Variants in IRAG2 observed in about 807,000 individuals in gnomAD.
IRAG2 encodes the protein lymphoid restricted membrane protein.
A neutral mutation model predicts 69.9 loss-of-function variants in IRAG2; 45 were observed. That is an observed-to-expected ratio of 0.64 (90% CI 0.51 to 0.83). IRAG2 has a LOEUF of 0.83. Ranked by LOEUF, IRAG2 falls within the 40% of genes least tolerant of loss-of-function variation. IRAG2 has a pLI of 0.00. For synonymous variants in IRAG2, 193 were observed against 202.4 expected (o/e 0.95, Z 0.40); for missense variants, 520 against 587.0 (o/e 0.89, Z 1.18).
intron 1 of IRAG2, among the ~76,000 whole-genome samples, chr12:25,055,239 T>G (rs895623621): frequency 6.6e-6 from 1 of 152,260 alleles, no homozygotes; most frequent in Admixed American, 6.5e-5. Context: ...TTATCTTGAA[T>G]AAATGATATT....
Position 25,104,060 on chromosome 12 carries a change from T to C in IRAG2, c.1046+2T>C. ...ATTCAGTAGAAGGTCAAGCAGTTGG[T>C]AAGTGTAATTTTATGGTTCCTCTTT... On this transcript the variant is annotated splice_donor_variant, in intron 19 of 21. Transcript: ENST00000556887. LOFTEE classifies it high-confidence loss of function. The C allele has an allele frequency of 6.2e-7, 1 of 1,613,004 alleles. No individual in the cohort carries two copies. Among genetic ancestry groups the C allele is most frequent in the South Asian group, 1.1e-5 (1 of 90,956 alleles).
At chr12:25,033,052 G>A (rs187284115) in intron 12 of IRAG2, among the ~76,000 whole-genome samples, 8 of 151,624 alleles carry the variant, frequency 5.3e-5, no homozygotes, top group African/African-American at 1.7e-4. Context: ...CACCTCCTGA[G>A]TTCAAGCAAT....
rs1947903778 is a variant in IRAG2 at position 25,089,748 on chromosome 12, TG to T, written c.438-14del. The T allele has an allele frequency of 6.2e-7, 1 of 1,613,322 alleles. No individual in the cohort carries two copies. The highest frequency in any genetic ancestry group is 8.5e-7 in the Non-Finnish European group (1 of 1,179,822). On this transcript the variant is annotated splice_polypyrimidine_tract_variant and intron_variant, in intron 12 of 21. Transcript: ENST00000556887. ...TTGGATTATGTTTAAATATGTTTTTTGTCTTATCCTACAGCACTTCTGCTAA... is the reference window on the plus strand; with the variant it reads ...TTGGATTATGTTTAAATATGTTTTTTTCTTATCCTACAGCACTTCTGCTAA...
At chr12:25,077,185 GAT>G (rs33949902) in intron 6 of IRAG2, among the ~76,000 whole-genome samples, 3,843 of 58,702 alleles carry the variant, frequency 0.065, 415 homozygotes, top group Middle Eastern at 0.088. Context: ...ATATATATAT[GAT>G]ATATATATGA....
At chr12:25,032,249 A>C in intron 11 of IRAG2, 1 of 399,030 alleles carries the variant, frequency 2.5e-6, no homozygotes, top group Non-Finnish European at 4.4e-6. Context: ...GGGCTTGTTA[A>C]ATGTAAATTC....
At chr12:25,001,867 T>C (rs1020144370), upstream of IRAG2, among the ~76,000 whole-genome samples, 5 of 151,766 alleles carry the variant, frequency 3.3e-5, no homozygotes, top group Admixed American at 6.6e-5. Flanking sequence ...CCTCCTGGGT[T>C]CAAGCAATTC....
At chr12:25,070,252 T>C (rs964570888) in intron 6 of IRAG2, among the ~76,000 whole-genome samples, 6 of 152,170 alleles carry the variant, frequency 3.9e-5, no homozygotes, top group African/African-American at 1.4e-4. Flanking sequence ...GCGTACCCAT[T>C]GGTAGTCTCT....
At chr12:25,013,449 G>A (rs1944493443) in intron 3 of IRAG2, among the ~76,000 whole-genome samples, 1 of 152,190 alleles carries the variant, frequency 6.6e-6, no homozygotes, top group Non-Finnish European at 1.5e-5. Context: ...CTACACTTCA[G>A]CCTGGGCAAG....
chr12:25,103,269 C>T (rs1229427567), intron 17 of IRAG2: 1 of 152,528 alleles, frequency 6.6e-6, no homozygotes, highest in Non-Finnish European at 1.5e-5. Flanking sequence ...CATGAAAATC[C>T]TTAAATGTGT....
chr12:24,999,286 T>C, the IRAG2 span, among the ~76,000 whole-genome samples: 2 of 152,232 alleles, frequency 1.3e-5, no homozygotes, highest in African/African-American at 2.4e-5. Flanking sequence ...ATATAACGAA[T>C]AACTTTAGGT....
upstream of IRAG2, among the ~76,000 whole-genome samples, chr12:25,002,393 G>GA (rs528399596): frequency 4.6e-5 from 7 of 152,232 alleles, no homozygotes; most frequent in South Asian, 4.1e-4. Flanking sequence ...TGAGTATCTA[G>GA]AAAAAATCAC....
intron 16 of IRAG2, among the ~76,000 whole-genome samples, chr12:25,040,210 G>T (rs951244708): frequency 6.6e-6 from 1 of 152,218 alleles, no homozygotes; most frequent in Non-Finnish European, 1.5e-5. Flanking sequence ...GTGGATTTTA[G>T]CTATGAATAA....
At chr12:25,102,315 G>A (rs1948804551) in intron 17 of IRAG2, 74 bp downstream of exon 17, 1 of 1,168,964 alleles carries the variant, frequency 8.6e-7, no homozygotes, top group East Asian at 2.4e-5. Context: ...TGAAGTTTCA[G>A]GCCTTTATAT....
intron 20 of IRAG2, among the ~76,000 whole-genome samples, chr12:25,105,880 T>A (rs1420581154): frequency 1.3e-5 from 2 of 152,198 alleles, no homozygotes; most frequent in Admixed American, 6.5e-5. Context: ...CACATTTCCC[T>A]TTGGCAATTC....
At chr12:25,029,995 C>T (rs1038002152) in intron 9 of IRAG2, among the ~76,000 whole-genome samples, 15 of 152,170 alleles carry the variant, frequency 9.9e-5, no homozygotes, top group African/African-American at 3.6e-4. Context: ...GGGAAGGGCA[C>T]TTGGCTGGAG....
chr12:25,021,101 T>C, intron 7 of IRAG2: 1 of 330,340 alleles, frequency 3.0e-6, no homozygotes, highest in East Asian at 4.5e-5. Flanking sequence ...CTTTTTTTTT[T>C]TTTCTTTTTT....
intron 7 of IRAG2, among the ~76,000 whole-genome samples, chr12:25,021,890 A>C (rs1026806659): frequency 7.2e-5 from 11 of 152,352 alleles, no homozygotes. Context: ...ATTGAATGCC[A>C]GGTCTTTTGT....
chr12:25,039,236 A>G (rs1333189316), intron 16 of IRAG2, among the ~76,000 whole-genome samples: 1 of 152,242 alleles, frequency 6.6e-6, no homozygotes, highest in Non-Finnish European at 1.5e-5. Flanking sequence ...AATAGCCAGA[A>G]GAAACTATTT....
At position 25,105,109 on chromosome 12, in the gene IRAG2, C is replaced by G. The variant is rs1405431524; in HGVS notation, c.1148+647C>G. ...TTTTTTTTTTTGAGACGGAGTCTTG[C>G]TCTGTCACCCAGGCTGGAGTGCAGT... On this transcript the variant is annotated intron_variant, in intron 20 of 21. Coordinates refer to ENST00000556887, the MANE Select transcript of IRAG2 (RefSeq NM_001366544.2). Among the ~76,000 whole-genome samples, 11 of 128,980 alleles carry G rather than the reference C, an allele frequency of 8.5e-5. No individual in the cohort carries two copies. The Admixed American group carries it at 1.0e-3, about 12-fold the overall frequency. 84.6% of individuals were successfully genotyped at this position (128,980 alleles called of 152,430 possible).
Sources: allele counts gnomAD v4.1 joint callset (sites outside exome capture counted in the v4.1 genomes callset), GRCh38; gene constraint gnomAD v4.1.1; transcripts MANE v1.5; gene names NCBI Gene and HGNC (gene_info 2026-07-23, HGNC 2026-07-21).